MACROD2: variants seen among roughly 807,000 people sequenced by gnomAD.
MACROD2 encodes mono-ADP ribosylhydrolase 2, also known as ADP-ribose glycohydrolase MACROD2.
Under a neutral mutation model 70.4 loss-of-function variants are expected in MACROD2, and 36 were observed. The ratio of observed to expected loss-of-function variants is 0.51; its 90% confidence interval spans 0.39 to 0.68. The LOEUF (loss-of-function observed/expected upper bound fraction) is 0.68. Among genes scored for constraint, MACROD2 ranks in the 30% least tolerant of loss-of-function variants. The probability of loss-of-function intolerance (pLI) is 0.00; values close to 1 mark genes in which losing one functional copy is unlikely to be tolerated. For missense variants in MACROD2, 496 were observed against 538.4 expected (o/e 0.92, Z 0.78); for synonymous variants, 172 against 178.8 (o/e 0.96, Z 0.30).
intron 5 of MACROD2, among the ~76,000 whole-genome samples, chr20:15,183,386 T>C (rs1048477877): frequency 4.0e-5 from 6 of 151,446 alleles, no homozygotes; most frequent in African/African-American, 1.5e-4. Context: ...TAAAATAAAA[T>C]AAAATAGTTA....
chr20:15,042,735 A>G (rs1440381032), intron 5 of MACROD2, among the ~76,000 whole-genome samples: 1 of 152,208 alleles, frequency 6.6e-6, no homozygotes, highest in Non-Finnish European at 1.5e-5. Context: ...GAACAGAAGC[A>G]GGAAATCTTA....
intron 6 of MACROD2, among the ~76,000 whole-genome samples, chr20:15,336,437 C>CT (rs1356511249): frequency 2.0e-5 from 3 of 150,982 alleles, no homozygotes; most frequent in African/African-American, 7.4e-5. Flanking sequence ...ACATGTTTTC[C>CT]TTTTAAAACC....
chr20:14,347,924 C>G (rs1169607200), intron 3 of MACROD2, among the ~76,000 whole-genome samples: 1 of 152,074 alleles, frequency 6.6e-6, no homozygotes, highest in Admixed American at 6.6e-5. Flanking sequence ...ATTGCCATGT[C>G]AGTGGAGGCA....
chr20:15,045,826 T>C (rs1311639892), intron 5 of MACROD2, among the ~76,000 whole-genome samples: 1 of 149,598 alleles, frequency 6.7e-6, no homozygotes, highest in East Asian at 2.1e-4. Flanking sequence ...TGAGGGAACT[T>C]CATTATATTG....
chr20:15,099,164 G>A (rs556848176), intron 5 of MACROD2, among the ~76,000 whole-genome samples: 38 of 152,214 alleles, frequency 2.5e-4, no homozygotes, highest in African/African-American at 8.9e-4. Context: ...TTGACTGGAG[G>A]AAAAAATGTT....
chr20:15,345,208 G>C (rs905306531), intron 6 of MACROD2, among the ~76,000 whole-genome samples: 2 of 152,168 alleles, frequency 1.3e-5, no homozygotes, highest in Non-Finnish European at 2.9e-5. Flanking sequence ...TTCAACATAT[G>C]AATTTTGGGA....
At chr20:14,358,717 A>G (rs2083195665) in intron 3 of MACROD2, among the ~76,000 whole-genome samples, 1 of 151,976 alleles carries the variant, frequency 6.6e-6, no homozygotes, top group Admixed American at 6.6e-5. Flanking sequence ...CGACCTCCCA[A>G]AGTGCTGGGA....
At chr20:15,337,893 T>C (rs1475663970) in intron 6 of MACROD2, among the ~76,000 whole-genome samples, 11 of 151,754 alleles carry the variant, frequency 7.2e-5, no homozygotes, top group Non-Finnish European at 1.6e-4. Flanking sequence ...TGTAGCTGTA[T>C]TGGTTTAGTT....
intron 15 of MACROD2, among the ~76,000 whole-genome samples, chr20:16,003,077 C>T (rs1334522207): frequency 4.8e-5 from 1 of 20,796 alleles, no homozygotes; most frequent in Non-Finnish European, 1.7e-4. Context: ...AACCCACCCA[C>T]CCACCCACAC....
At chr20:14,122,871 A>G (rs994695824) in intron 3 of MACROD2, among the ~76,000 whole-genome samples, 3 of 152,068 alleles carry the variant, frequency 2.0e-5, no homozygotes, top group East Asian at 1.9e-4. Flanking sequence ...GTGTCTATCT[A>G]TCTGGCCCAT....
intron 7 of MACROD2, among the ~76,000 whole-genome samples, chr20:15,464,104 A>G (rs1419466798): frequency 6.6e-6 from 1 of 152,196 alleles, no homozygotes; most frequent in African/African-American, 2.4e-5. Context: ...GCTGGAATGT[A>G]GTGGCACAAT....
At chr20:15,709,471 G>T (rs1889617548) in intron 8 of MACROD2, among the ~76,000 whole-genome samples, 1 of 151,936 alleles carries the variant, frequency 6.6e-6, no homozygotes, top group Admixed American at 6.6e-5. Context: ...GACCAGCCTG[G>T]GCAACATACT....
chr20:14,021,514 A>G (rs1261560939), intron 2 of MACROD2, among the ~76,000 whole-genome samples: 2 of 152,240 alleles, frequency 1.3e-5, no homozygotes, highest in Admixed American at 6.5e-5. Flanking sequence ...CTACAAAGCT[A>G]CAGAACTTTC....
At chr20:14,280,199 T>A (rs1002046830) in intron 3 of MACROD2, among the ~76,000 whole-genome samples, 1 of 152,020 alleles carries the variant, frequency 6.6e-6, no homozygotes, top group South Asian at 2.1e-4. Context: ...CATGAATGAG[T>A]TTTTAAAATT....
At chr20:15,193,398 C>A (rs1304317633) in intron 5 of MACROD2, among the ~76,000 whole-genome samples, 1 of 152,024 alleles carries the variant, frequency 6.6e-6, no homozygotes, top group African/African-American at 2.4e-5. Context: ...CTGGGAGATG[C>A]TTGGAAGGCT....
At chr20:14,564,677 A>T (rs1420704006) in intron 4 of MACROD2, among the ~76,000 whole-genome samples, 3 of 152,108 alleles carry the variant, frequency 2.0e-5, no homozygotes, top group African/African-American at 7.2e-5. Flanking sequence ...GCTATTAAAA[A>T]GTCAAAAGCA....
At chr20:15,335,858 C>G (rs2078042559) in intron 6 of MACROD2, among the ~76,000 whole-genome samples, 1 of 151,626 alleles carries the variant, frequency 6.6e-6, no homozygotes, top group Non-Finnish European at 1.5e-5. Context: ...GTGAGTGCAG[C>G]TGGTCAGGTC....
At chr20:14,290,614 A>G (rs1429862726) in intron 3 of MACROD2, among the ~76,000 whole-genome samples, 1 of 151,750 alleles carries the variant, frequency 6.6e-6, no homozygotes, top group Non-Finnish European at 1.5e-5. Flanking sequence ...GGTTCAGGCA[A>G]TTCTCCTGCC....
intron 4 of MACROD2, among the ~76,000 whole-genome samples, 195 bp from the exon 5 acceptor site, chr20:14,684,648 A>ACCCCCCCCCCCC (rs11467642): frequency 7.4e-6 from 1 of 134,848 alleles, no homozygotes; most frequent in Non-Finnish European, 1.7e-5. Context: ...ACATAACCTC[A>ACCCCCCCCCCCC]CCCCCCCCCC....
Sources: gnomAD v4.1 joint callset for allele counts (sites outside exome capture counted in the v4.1 genomes callset) on GRCh38, gnomAD v4.1.1 for gene constraint, MANE v1.5 for transcripts, NCBI Gene and HGNC (gene_info 2026-07-23, HGNC 2026-07-21) for gene names.